Variants in BCKDHB observed in about 807,000 individuals in gnomAD.
The protein encoded by BCKDHB is 2-oxoisovalerate dehydrogenase subunit beta, mitochondrial.
In BCKDHB, 41 loss-of-function variants were observed where a neutral mutation model predicts 48.5. That is an observed-to-expected ratio of 0.85 (90% CI 0.66 to 1.10). The LOEUF (loss-of-function observed/expected upper bound fraction) is 1.10, where lower values mean the gene tolerates loss of function less well. Ranked by LOEUF, BCKDHB falls within the 50% of genes least tolerant of loss-of-function variation. The pLI is 0.00. For synonymous variants in BCKDHB, 201 were observed against 174.8 expected, an observed-to-expected ratio of 1.15 and a Z score of -1.18; for missense variants, 496 against 494.2, an observed-to-expected ratio of 1.00 and a Z score of -0.03.
At chr6:80,464,950 C>G in the BCKDHB span, among the ~76,000 whole-genome samples, 2 of 152,236 alleles carry the variant, frequency 1.3e-5, no homozygotes, top group African/African-American at 4.8e-5. Context: ...TAGGTGCCTA[C>G]ACTCAGTCAT....
At chr6:80,445,542 A>T in the BCKDHB span, among the ~76,000 whole-genome samples, 2,447 of 152,250 alleles carry the variant, frequency 0.016, 80 homozygotes, top group African/African-American at 0.055. Flanking sequence ...ACAACTGTAA[A>T]TATATCTGTA....
the BCKDHB span, among the ~76,000 whole-genome samples, chr6:80,456,032 T>G: frequency 6.6e-6 from 1 of 151,806 alleles, no homozygotes; most frequent in Non-Finnish European, 1.5e-5. Flanking sequence ...CTAGCCAATA[T>G]GGTGAAACCC....
At chr6:80,465,635 A>C in the BCKDHB span, 1 of 152,242 alleles carries the variant, frequency 6.6e-6, no homozygotes, top group East Asian at 1.9e-4. Context: ...TAGGCAAAGC[A>C]CATCATGTAA....
intron 9 of BCKDHB, among the ~76,000 whole-genome samples, chr6:80,315,522 C>A (rs1768397829): frequency 6.6e-6 from 1 of 152,020 alleles, no homozygotes; most frequent in African/African-American, 2.4e-5. Context: ...TATTTACTCA[C>A]CCCCCTTTTG....
At chr6:80,383,912 G>T in the BCKDHB span, among the ~76,000 whole-genome samples, 7 of 152,070 alleles carry the variant, frequency 4.6e-5, no homozygotes, top group Admixed American at 2.6e-4. Context: ...TAAGAAAATA[G>T]ATATTAAACA....
intron 6 of BCKDHB, among the ~76,000 whole-genome samples, chr6:80,179,406 T>A (rs906333760): frequency 2.0e-5 from 3 of 152,182 alleles, no homozygotes; most frequent in African/African-American, 4.8e-5. Flanking sequence ...GCCTTTTTTC[T>A]TGTCATTATT....
At chr6:80,200,484 T>G (rs1774339003) in intron 6 of BCKDHB, among the ~76,000 whole-genome samples, 1 of 152,206 alleles carries the variant, frequency 6.6e-6, no homozygotes, top group Admixed American at 6.5e-5. Context: ...TAATAAAGTT[T>G]TATCACATGT....
At chr6:80,171,198 T>G in intron 5 of BCKDHB, 84 bp from the exon 6 acceptor site, 1 of 745,464 alleles carries the variant, frequency 1.3e-6, no homozygotes, top group Non-Finnish European at 2.3e-6. Flanking sequence ...AACAATTGAT[T>G]ATTTAAATAT....
At chr6:80,138,946 A>T (rs1771039580) in intron 3 of BCKDHB, among the ~76,000 whole-genome samples, 1 of 152,188 alleles carries the variant, frequency 6.6e-6, no homozygotes, top group African/African-American at 2.4e-5. Flanking sequence ...CTATTTCTCC[A>T]CATCCTCTCC....
chr6:80,169,994 G>T, intron 5 of BCKDHB: 1 of 1,191,086 alleles, frequency 8.4e-7, no homozygotes, highest in South Asian at 3.5e-5. Context: ...TTTTCTGTCT[G>T]TCCCCTGCCT....
chr6:80,260,974 T>A (rs1347694946), intron 8 of BCKDHB, among the ~76,000 whole-genome samples: 2 of 152,162 alleles, frequency 1.3e-5, no homozygotes, highest in Non-Finnish European at 2.9e-5. Context: ...TTGGCTTTCA[T>A]AGTATTCAAA....
At chr6:80,322,866 C>G (rs1768806678) in intron 9 of BCKDHB, among the ~76,000 whole-genome samples, 1 of 150,438 alleles carries the variant, frequency 6.6e-6, no homozygotes, top group East Asian at 2.0e-4. Flanking sequence ...TGTTACTTCT[C>G]CTAATGATTC....
intron 9 of BCKDHB, among the ~76,000 whole-genome samples, chr6:80,280,376 G>C (rs930819752): frequency 2.0e-5 from 3 of 152,186 alleles, no homozygotes; most frequent in South Asian, 2.1e-4. Flanking sequence ...AAAACTCCTA[G>C]GTAGTTGTGT....
At chr6:80,349,708 G>GAAT (rs1770341955), downstream of BCKDHB, among the ~76,000 whole-genome samples, 1 of 152,098 alleles carries the variant, frequency 6.6e-6, no homozygotes, top group Non-Finnish European at 1.5e-5. Context: ...TTGACAAAAG[G>GAAT]AATACATCAT....
At chr6:80,300,317 G>T (rs947471827) in intron 9 of BCKDHB, among the ~76,000 whole-genome samples, 1 of 152,244 alleles carries the variant, frequency 6.6e-6, no homozygotes, top group South Asian at 2.1e-4. Flanking sequence ...CTCTCAAAGT[G>T]CTGGGATTAC....
chr6:80,210,541 T>C (rs1774875347), intron 8 of BCKDHB, among the ~76,000 whole-genome samples: 1 of 152,094 alleles, frequency 6.6e-6, no homozygotes, highest in Admixed American at 6.6e-5. Flanking sequence ...CGAACACTCA[T>C]TTGGTGCACC....
intron 1 of BCKDHB, among the ~76,000 whole-genome samples, chr6:80,123,324 G>A (rs1016550774): frequency 6.6e-6 from 1 of 152,166 alleles, no homozygotes; most frequent in Non-Finnish European, 1.5e-5. Context: ...AGAGATTAAA[G>A]TAAAACAGGT....
chr6:80,386,998 C>T, the BCKDHB span, among the ~76,000 whole-genome samples: 2 of 152,070 alleles, frequency 1.3e-5, no homozygotes, highest in African/African-American at 2.4e-5. Context: ...CCAAGGAGAC[C>T]TCCAGCCTTT....
At position 80,203,091 on chromosome 6, in the gene BCKDHB, C is replaced by A; in HGVS notation, c.841-11C>A. ...GTAGTCATTCTCTGCATATTTTTCT[C>A]TTTATTTCAGGTTCATGTGATCCGA... On this transcript the variant is annotated splice_polypyrimidine_tract_variant and intron_variant, in intron 7 of 9. Coordinates refer to ENST00000320393, the MANE Select transcript of BCKDHB (RefSeq NM_183050.4). 6.3e-7 allele frequency: 1 copy of A among 1,592,218 alleles called. No individual in the cohort carries two copies. The highest frequency in any genetic ancestry group is 8.6e-7 in the Non-Finnish European group (1 of 1,160,512).
Sources: gnomAD v4.1 joint callset for allele counts (sites outside exome capture counted in the v4.1 genomes callset) on GRCh38, gnomAD v4.1.1 for gene constraint, MANE v1.5 for transcripts, NCBI Gene and HGNC (gene_info 2026-07-23, HGNC 2026-07-21) for gene names.